Variants in RYR3 observed in about 807,000 individuals in gnomAD.
RYR3 encodes the protein brain ryanodine receptor-calcium release channel.
In RYR3, 207 loss-of-function variants were observed where a neutral mutation model predicts 584.3. The ratio of observed to expected loss-of-function variants is 0.35; its 90% CI spans 0.32 to 0.40. The LOEUF is 0.40. Ranked by LOEUF, RYR3 falls within the 10% of genes least tolerant of loss-of-function variation. The pLI is 1.00. For synonymous variants in RYR3, 2,416 were observed against 2,248.5 expected (o/e 1.07, Z -2.11); for missense variants, 5,616 against 6,089.2 (o/e 0.92, Z 2.59).
chr15:33,671,018 T>A (rs1030283387), intron 38 of RYR3, among the ~76,000 whole-genome samples: 1 of 152,170 alleles, frequency 6.6e-6, no homozygotes, highest in Non-Finnish European at 1.5e-5. Context: ...GGGGTTGTTT[T>A]TGGATTTGGG....
intron 38 of RYR3, among the ~76,000 whole-genome samples, chr15:33,675,983 C>T (rs2152732140): frequency 6.6e-6 from 1 of 152,074 alleles, no homozygotes; most frequent in Admixed American, 6.5e-5. Flanking sequence ...GATAATTGCC[C>T]CCCAAAGATG....
intron 1 of RYR3, among the ~76,000 whole-genome samples, chr15:33,450,575 C>T (rs548408070): frequency 6.6e-6 from 1 of 152,040 alleles, no homozygotes; most frequent in African/African-American, 2.4e-5. Flanking sequence ...GCTCCTTGCA[C>T]CCTCTGTTCT....
rs115742070 is a variant in RYR3 at position 33,801,519 on chromosome 15, G to A, written c.9919-350G>A. On this transcript the variant is annotated intron_variant, in intron 68 of 103. Coordinates refer to ENST00000634891, the MANE Select transcript of RYR3 (RefSeq NM_001036.6). ...AAATAATGTCAAATAAATACATTTTGGGGTCAAATATTTTTATTTCCTTCC... is the reference window on the plus strand; with the variant it reads ...AAATAATGTCAAATAAATACATTTTAGGGTCAAATATTTTTATTTCCTTCC... Among the ~76,000 whole-genome samples, 768 of 152,230 alleles carry A rather than the reference G, an allele frequency of 5.0e-3. 3 individuals carry two copies. The highest frequency in any genetic ancestry group is 0.018 in the African/African-American group (737 of 41,536).
intron 1 of RYR3, among the ~76,000 whole-genome samples, chr15:33,397,229 G>A (rs1041788383): frequency 6.6e-6 from 1 of 152,198 alleles, no homozygotes; most frequent in Non-Finnish European, 1.5e-5. Flanking sequence ...TGAAGGAGGA[G>A]GGGTAGGGAT....
rs555763446 is a variant in RYR3 at position 33,855,055 on chromosome 15, G to A, written c.14007+143G>A. 16 of 865,302 alleles carry A rather than the reference G, an allele frequency of 1.8e-5. No individual in the cohort carries two copies. In the African/African-American group the frequency reaches 2.6e-4, roughly 14 times the overall value. The allele number at this position is 865,302 out of a possible 1,614,324, so 53.6% of individuals were successfully genotyped here. ...TCTTGGCCAAACACTTCAACTAATG[G>A]TGATTGTTTTTGCAAAATTGTAGCC... On this transcript the variant is annotated intron_variant, in intron 98 of 103. Transcript: ENST00000634891.
At chr15:33,688,530 G>A (rs553477228) in intron 38 of RYR3, among the ~76,000 whole-genome samples, 11 of 141,840 alleles carry the variant, frequency 7.8e-5, no homozygotes, top group East Asian at 2.1e-4. Context: ...CCAAGATTGC[G>A]CCACTGCACT....
chr15:33,692,305 T>C (rs908801194), intron 38 of RYR3, among the ~76,000 whole-genome samples: 9 of 152,172 alleles, frequency 5.9e-5, no homozygotes, highest in Non-Finnish European at 1.3e-4. Context: ...ATCCCAAAAG[T>C]GTTTAGACCT....
At chr15:33,318,024 C>G (rs1276882777) in intron 1 of RYR3, among the ~76,000 whole-genome samples, 1 of 152,222 alleles carries the variant, frequency 6.6e-6, no homozygotes, top group Non-Finnish European at 1.5e-5. Flanking sequence ...AGCAAACACT[C>G]TATCCTAAAA....
intron 16 of RYR3, among the ~76,000 whole-genome samples, chr15:33,588,628 A>G (rs1362442238): frequency 6.6e-6 from 1 of 152,144 alleles, no homozygotes; most frequent in Non-Finnish European, 1.5e-5. Context: ...CCAAGTTGCC[A>G]ACACCTATCA....
chr15:33,844,819 G>T (rs752701686), intron 92 of RYR3, 43 bp from the exon 93 acceptor site: 1 of 1,563,892 alleles, frequency 6.4e-7, no homozygotes, highest in South Asian at 1.2e-5. Flanking sequence ...AATGGCTGAG[G>T]TTCTTTTTGA....
chr15:33,755,194 T>G lies in RYR3; in HGVS notation c.8515+14T>G, dbSNP rs1317220847. On this transcript the variant is annotated intron_variant, in intron 58 of 103. Coordinates refer to ENST00000634891, the MANE Select transcript of RYR3 (RefSeq NM_001036.6). The stretch of plus-strand genomic sequence containing the variant: ...TTGCCCATTTAGGTAAGTATCATCA[T>G]GAAATAACCCAAAAGAATTCAATAT... 1 of 1,369,820 alleles carries G rather than the reference T, an allele frequency of 7.3e-7. No individual in the cohort carries two copies. The highest frequency in any genetic ancestry group is 1.0e-6 in the Non-Finnish European group (1 of 962,640). 84.9% of individuals were successfully genotyped at this position (1,369,820 alleles called of 1,614,324 possible). A position where few individuals can be genotyped will look rare whatever the true frequency, so the allele number is the denominator to read the frequency against.
chr15:33,721,576 A>T (rs942845262), intron 43 of RYR3, among the ~76,000 whole-genome samples: 2 of 152,198 alleles, frequency 1.3e-5, no homozygotes, highest in African/African-American at 4.8e-5. Context: ...CTTCCAGTAC[A>T]TAACATCAAA....
At chr15:33,488,853 A>C (rs990279960) in intron 2 of RYR3, among the ~76,000 whole-genome samples, 5 of 152,058 alleles carry the variant, frequency 3.3e-5, no homozygotes, top group Non-Finnish European at 7.4e-5. Context: ...TCTATCTCAA[A>C]AAACAAACAA....
chr15:33,410,399 T>C (rs1187837872), intron 1 of RYR3, among the ~76,000 whole-genome samples: 2 of 152,220 alleles, frequency 1.3e-5, no homozygotes, highest in Non-Finnish European at 2.9e-5. Context: ...GGAAACCAAT[T>C]ATTCACTACG....
At chr15:33,849,569 AC>A (rs2055670436) in intron 94 of RYR3, 3 of 152,208 alleles carry the variant, frequency 2.0e-5, no homozygotes, top group Admixed American at 2.0e-4. Context: ...CAAATGTCAC[AC>A]TCTAATGACA....
intron 1 of RYR3, among the ~76,000 whole-genome samples, chr15:33,363,575 A>AT (rs541549776): frequency 1.2e-4 from 19 of 152,188 alleles, no homozygotes; most frequent in Non-Finnish European, 1.6e-4. Flanking sequence ...TTGTATCCGT[A>AT]TTTTTTTCAA....
chr15:33,581,312 T>C (rs1567588872), intron 13 of RYR3, among the ~76,000 whole-genome samples, 196 bp from the exon 14 acceptor site: 1 of 152,060 alleles, frequency 6.6e-6, no homozygotes, highest in Non-Finnish European at 1.5e-5. Context: ...GGATGCTATT[T>C]AGGTCTCTCA....
rs747378140 is a variant in RYR3 at position 33,831,107 on chromosome 15, T to C, written c.11463+16T>C. 2.5e-6 allele frequency: 4 copies of C among 1,608,958 alleles called. No homozygotes were observed. In the Admixed American group the frequency reaches 5.0e-5, roughly 20 times the overall value. ...ATACATCCAGGTATGTGCTACAGAG[T>C]GCATGGTTGAAAACAAAGAGAACAT... On this transcript the variant is annotated intron_variant, in intron 86 of 103. Coordinates refer to ENST00000634891, the MANE Select transcript of RYR3 (RefSeq NM_001036.6).
chr15:33,447,450 C>T (rs2063133992), intron 1 of RYR3, among the ~76,000 whole-genome samples: 1 of 152,130 alleles, frequency 6.6e-6, no homozygotes, highest in South Asian at 2.1e-4. Context: ...ACCCCATGCC[C>T]ACTTACTTTC....
Sources: gnomAD v4.1 joint callset for allele counts (sites outside exome capture counted in the v4.1 genomes callset) on GRCh38, gnomAD v4.1.1 for gene constraint, MANE v1.5 for transcripts, NCBI Gene and HGNC (gene_info 2026-07-23, HGNC 2026-07-21) for gene names.